PLA1A: variants seen among roughly 807,000 people sequenced by gnomAD.
PLA1A encodes the protein phosphatidylserine-specific phospholipase A1alpha.
Under a neutral mutation model 49.4 loss-of-function variants are expected in PLA1A, and 47 were observed. The observed-to-expected ratio is 0.95, with a 90% confidence interval of 0.75 to 1.21. The LOEUF (loss-of-function observed/expected upper bound fraction) is 1.21. Ranked by LOEUF, PLA1A falls within the 50% of genes most tolerant of loss-of-function variation. The probability of loss-of-function intolerance (pLI) is 0.00; values close to 1 mark genes in which losing one functional copy is unlikely to be tolerated. For missense variants in PLA1A, 561 were observed against 563.9 expected (o/e 0.99, Z 0.05); for synonymous variants, 224 against 207.9 (o/e 1.08, Z -0.67).
intron 8 of PLA1A, among the ~76,000 whole-genome samples, chr3:119,622,123 G>GAAGGAA: frequency 1.3e-5 from 2 of 150,142 alleles, no homozygotes; most frequent in Non-Finnish European, 1.5e-5. Flanking sequence ...AGGAGAAGGA[G>GAAGGAA]AAGAAGAGGA....
intron 8 of PLA1A, chr3:119,620,141 TTGTAACGA>T (rs1431141838): frequency 1.1e-5 from 5 of 456,690 alleles, no homozygotes; most frequent in African/African-American, 4.0e-5. Flanking sequence ...ATGCTGGTGA[TTGTAACGA>T]TGTTAAATGT....
chr3:119,600,320 C>T (rs1050373185), intron 1 of PLA1A: 1 of 698,678 alleles, frequency 1.4e-6, no homozygotes, highest in Non-Finnish European at 2.6e-6. Flanking sequence ...TTGTTGAGCT[C>T]CTTGATCAAC....
chr3:119,618,247 GT>G, intron 7 of PLA1A, 61 bp downstream of exon 7: 1 of 1,406,914 alleles, frequency 7.1e-7, no homozygotes, highest in Non-Finnish European at 9.8e-7. Flanking sequence ...CCTGCTAGTT[GT>G]CCCCTCTTAA....
intron 6 of PLA1A, among the ~76,000 whole-genome samples, chr3:119,616,444 T>C (rs993305520): frequency 1.3e-5 from 2 of 152,232 alleles, no homozygotes; most frequent in African/African-American, 4.8e-5. Context: ...TAAAATTGTT[T>C]TCAAGATGAT....
intron 2 of PLA1A, among the ~76,000 whole-genome samples, chr3:119,607,653 G>A (rs1055679101): frequency 3.9e-5 from 6 of 152,140 alleles, no homozygotes; most frequent in East Asian, 3.8e-4. Flanking sequence ...GCCTGTCTCC[G>A]CCTCTCAGGT....
intron 1 of PLA1A, 134 bp downstream of exon 1, chr3:119,598,120 T>C (rs971751720): frequency 1.7e-5 from 9 of 528,098 alleles, no homozygotes; most frequent in African/African-American, 1.2e-4. Context: ...TTTAAAACAG[T>C]AGGGGAAAAA....
intron 1 of PLA1A, among the ~76,000 whole-genome samples, chr3:119,603,399 C>T (rs537271398): frequency 6.6e-6 from 1 of 152,316 alleles, no homozygotes; most frequent in African/African-American, 2.4e-5. Flanking sequence ...TCAAAGATAT[C>T]CCAGGCAACT....
intron 8 of PLA1A, among the ~76,000 whole-genome samples, chr3:119,624,802 T>C (rs541903719): frequency 1.2e-4 from 19 of 152,182 alleles, no homozygotes; most frequent in Non-Finnish European, 2.5e-4. Context: ...GGCTAATTTT[T>C]ATATTTTTAG....
chr3:119,625,321 T>C, intron 9 of PLA1A, 89 bp downstream of exon 9: 1 of 833,776 alleles, frequency 1.2e-6, no homozygotes, highest in South Asian at 1.6e-5. Context: ...GGTCAGGGAC[T>C]GTGTGATTGC....
intron 1 of PLA1A, among the ~76,000 whole-genome samples, chr3:119,604,633 G>A (rs2082662303): frequency 6.6e-6 from 1 of 152,040 alleles, no homozygotes; most frequent in Admixed American, 6.5e-5. Flanking sequence ...GGGAATGAAG[G>A]GGAGAAAAGA....
In PLA1A at chr3:119,606,833, G is replaced by A. The variant is rs1413080084; in HGVS notation, c.133G>A (p.Glu45Lys). The A allele has an allele frequency of 1.9e-6, 3 of 1,614,152 alleles. No homozygotes were observed. The highest frequency in any genetic ancestry group is 2.5e-6 in the Non-Finnish European group (3 of 1,180,016). The change falls in exon 2 of 11, where the codon GAA becomes AAA. Residue 45 changes from glutamate to lysine, a missense_variant. Transcript: ENST00000273371. ...TGACTTCCAGAGCGCCAACCTTTTT[G>A]AAGGCACCGATCTCAAAGTCCAGTT... ...CADFQSANLF[E>K]GTDLKVQFLL...
At chr3:119,624,923 GC>G (rs2052494412) in intron 8 of PLA1A, among the ~76,000 whole-genome samples, 200 bp from the exon 9 acceptor site, 1 of 152,180 alleles carries the variant, frequency 6.6e-6, no homozygotes, top group African/African-American at 2.4e-5. Flanking sequence ...GAACCACTGC[GC>G]CCAGCCAAGT....
chr3:119,612,983 G>GA, intron 4 of PLA1A, 34 bp from the exon 5 acceptor site: 1 of 1,371,046 alleles, frequency 7.3e-7, no homozygotes, highest in South Asian at 1.3e-5. Context: ...CAGCTGAGAG[G>GA]AAAGAGGTCC....
chr3:119,605,919 C>G (rs2082680125), intron 1 of PLA1A, among the ~76,000 whole-genome samples: 4 of 152,172 alleles, frequency 2.6e-5, no homozygotes, highest in Non-Finnish European at 5.9e-5. Flanking sequence ...TGTCATCTAT[C>G]TAGGCTATGG....
Position 119,629,428 on chromosome 3 carries a change from G to T in PLA1A, c.1331G>T (p.Ser444Ile). Residue 444 changes from serine (S) to isoleucine (I), a missense_variant, in exon 11 of 11, where the codon AGT becomes ATT. By Grantham distance (142) the Ser-to-Ile change is moderately radical. Transcript: ENST00000273371. ...CLPEPVNLQA[S>I]VTVSCDLKIA... Reference sequence around the variant, plus strand: ...CCTGAACCAGTGAACTTACAAGCAAGTGTGACTGTTTCCTGTGACCTGAAG... The same window carrying T: ...CCTGAACCAGTGAACTTACAAGCAATTGTGACTGTTTCCTGTGACCTGAAG... 6.2e-7 allele frequency: 1 copy of T among 1,611,998 alleles called. No homozygotes were observed. Among genetic ancestry groups the T allele is most frequent in the Non-Finnish European group, 8.5e-7 (1 of 1,178,292 alleles).
rs145457987 is a variant in PLA1A, at chr3:119,608,829, C to A, written c.335C>A (p.Thr112Lys). The change falls in exon 3 of 11, where the codon ACG becomes AAG. Residue 112 changes from threonine (T) to lysine (K), a missense_variant. Physicochemically the swap from Thr to Lys is moderately conservative, Grantham distance 78 (BLOSUM62 -1). Transcript: ENST00000273371. Reference protein sequence around the residue: ...DTFIRTLLRATNANVIAVDWI... With the variant: ...DTFIRTLLRAKNANVIAVDWI... Reference sequence around the variant, plus strand: ...TTTATTAGAACCCTTCTGCGTGCAACGAATGCTAATGTGATTGCCGTGGAC... The same window carrying A: ...TTTATTAGAACCCTTCTGCGTGCAAAGAATGCTAATGTGATTGCCGTGGAC... The A allele has an allele frequency of 6.2e-6, 10 of 1,613,478 alleles. No individual in the cohort carries two copies. The highest frequency in any genetic ancestry group is 8.5e-7 in the Non-Finnish European group (1 of 1,179,510).
At chr3:119,613,168 C>G (rs1481802737) in intron 5 of PLA1A, 50 bp downstream of exon 5, 1 of 1,277,592 alleles carries the variant, frequency 7.8e-7, no homozygotes, top group Non-Finnish European at 1.1e-6. Flanking sequence ...CAAGGCAGCG[C>G]CTAGGAGGCT....
At chr3:119,627,923 CT>C (rs1326710356) in intron 9 of PLA1A, among the ~76,000 whole-genome samples, 2 of 152,200 alleles carry the variant, frequency 1.3e-5, no homozygotes, top group Non-Finnish European at 2.9e-5. Context: ...TGGAAGCACC[CT>C]GCTAGGTTGA....
chr3:119,609,631 T>TG, intron 4 of PLA1A, 55 bp downstream of exon 4: 1 of 975,380 alleles, frequency 1.0e-6, no homozygotes, highest in Non-Finnish European at 1.6e-6. Context: ...AAGCTTGCCC[T>TG]GAAAATATCT....
Sources: gnomAD v4.1 joint callset for allele counts (sites outside exome capture counted in the v4.1 genomes callset) on GRCh38, gnomAD v4.1.1 for gene constraint, MANE v1.5 for transcripts, NCBI Gene and HGNC (gene_info 2026-07-23, HGNC 2026-07-21) for gene names.